ZNF729: variants seen among roughly 807,000 people sequenced by gnomAD.
ZNF729 encodes the protein zinc finger protein 729.
A neutral mutation model predicts 12.2 loss-of-function variants in ZNF729; 15 were observed. That is an observed-to-expected ratio of 1.23 (90% CI 0.82 to 1.89). ZNF729 has a LOEUF of 1.89. ZNF729 is among the 40% of genes most tolerant of loss of function. The pLI, the probability that ZNF729 is intolerant of heterozygous loss-of-function variation, is 0.00. For synonymous variants in ZNF729, 492 were observed against 476.3 expected, an observed-to-expected ratio of 1.03 and a Z score of -0.43; for missense variants, 1,540 against 1,456.7, an observed-to-expected ratio of 1.06 and a Z score of -0.93.
At chr19:22,312,226 G>C (rs1968458903) in intron 3 of ZNF729, among the ~76,000 whole-genome samples, 1 of 151,868 alleles carries the variant, frequency 6.6e-6, no homozygotes, top group Non-Finnish European at 1.5e-5. Flanking sequence ...TTTTATGGTT[G>C]CTTTCTAAAA....
intron 3 of ZNF729, among the ~76,000 whole-genome samples, chr19:22,307,800 G>GTTTTT: frequency 7.5e-5 from 4 of 53,332 alleles, no homozygotes; most frequent in African/African-American, 1.9e-4. Context: ...AAAGCTCTGT[G>GTTTTT]TTTTTTTTTT....
intron 1 of ZNF729, among the ~76,000 whole-genome samples, chr19:22,289,967 A>G (rs1968131649): frequency 6.6e-6 from 1 of 152,226 alleles, no homozygotes; most frequent in African/African-American, 2.4e-5. Flanking sequence ...TTACTGAGAC[A>G]TAAAATGTAA....
rs1968480272 is a variant in ZNF729 at position 22,313,753 on chromosome 19, T to C, written c.336T>C (p.Tyr112=). The C allele has an allele frequency of 1.3e-6, 2 of 1,595,320 alleles. No homozygotes were observed. Among genetic ancestry groups the C allele is most frequent in the East Asian group, 2.2e-5 (1 of 44,606 alleles). The change falls in exon 4 of 4, where the codon TAT becomes TAC. Residue 112 remains tyrosine, a synonymous_variant. Coordinates refer to ENST00000601693, the MANE Select transcript of ZNF729 (RefSeq NM_001242680.2). ...TCCAAGAAGTAATACTGAGAACATATGCAAGATGTGGACATAAGAATTTAC... is the reference window on the plus strand; with the variant it reads ...TCCAAGAAGTAATACTGAGAACATACGCAAGATGTGGACATAAGAATTTAC... ...DSFQEVILRT[Y]ARCGHKNLRL...
At position 22,304,673 on chromosome 19, in the gene ZNF729, T is replaced by A; in HGVS notation, c.158-15T>A. Reference sequence around the variant, plus strand: ...ATATGACCAATATTTATGTTATTTATTTTTAATAAAACAGGTATGGCTGTC... The same window carrying A: ...ATATGACCAATATTTATGTTATTTAATTTTAATAAAACAGGTATGGCTGTC... On this transcript the variant is annotated splice_polypyrimidine_tract_variant and intron_variant, in intron 2 of 3. Transcript: ENST00000601693. 6.3e-7 allele frequency: 1 copy of A among 1,597,140 alleles called. No homozygotes were observed. The highest frequency in any genetic ancestry group is 8.5e-7 in the Non-Finnish European group (1 of 1,170,842).
chr19:22,315,606 A>T lies in ZNF729; in HGVS notation c.2189A>T (p.His730Leu). Reference sequence around the variant, plus strand: ...AAGTGGTCATCAAAACTTACTGTACATAAGGTAATTCATACTGCAGAGAAA... The same window carrying T: ...AAGTGGTCATCAAAACTTACTGTACTTAAGGTAATTCATACTGCAGAGAAA... ...AFKWSSKLTV[H>L]KVIHTAEKPC... is the part of the protein sequence containing the mutation. Residue 730 changes from histidine (H) to leucine (L), a missense_variant, in exon 4 of 4, where the codon CAT becomes CTT. By Grantham distance (99) the His-to-Leu change is moderately conservative. Coordinates refer to ENST00000601693, the MANE Select transcript of ZNF729 (RefSeq NM_001242680.2). 1.2e-6 allele frequency: 2 copies of T among 1,609,336 alleles called. No homozygotes were observed. Among genetic ancestry groups the T allele is most frequent in the Non-Finnish European group, 1.7e-6 (2 of 1,179,110 alleles).
chr19:22,316,179 C>T lies in ZNF729; in HGVS notation c.2762C>T (p.Ser921Leu), dbSNP rs766138524. The T allele has an allele frequency of 6.2e-7, 1 of 1,611,874 alleles. No individual in the cohort carries two copies. The highest frequency in any genetic ancestry group is 8.5e-7 in the Non-Finnish European group (1 of 1,178,970). Residue 921 changes from serine (S) to leucine (L), a missense_variant, in exon 4 of 4, where the codon TCA (serine) becomes TTA (leucine). By Grantham distance (145) the Ser-to-Leu change is moderately radical. Coordinates refer to ENST00000601693, the MANE Select transcript of ZNF729 (RefSeq NM_001242680.2). The part of the protein sequence containing the change: ...EECGKAFKHF[S>L]ALRKHKIIHT... ...TGTGGCAAAGCTTTTAAGCATTTCT[C>T]AGCCCTTAGAAAACATAAGATAATT...
chr19:22,308,535 G>GT (rs201896379), intron 3 of ZNF729, among the ~76,000 whole-genome samples: 1 of 151,462 alleles, frequency 6.6e-6, no homozygotes, highest in Admixed American at 6.6e-5. Flanking sequence ...AACATCTACT[G>GT]TTTTTTTGAT....
At chr19:22,290,345 T>C (rs1198796752) in intron 1 of ZNF729, among the ~76,000 whole-genome samples, 1 of 152,168 alleles carries the variant, frequency 6.6e-6, no homozygotes, top group Non-Finnish European at 1.5e-5. Flanking sequence ...TATTGTTTTG[T>C]GGTAGTTTCT....
Position 22,315,938 on chromosome 19 carries a change from A to C in ZNF729, c.2521A>C (p.Lys841Gln). 1 of 1,610,766 alleles carries C rather than the reference A, an allele frequency of 6.2e-7. No homozygotes were observed. The highest frequency in any genetic ancestry group is 8.5e-7 in the Non-Finnish European group (1 of 1,179,592). Residue 841 changes from lysine (K) to glutamine (Q), a missense_variant, in exon 4 of 4, where the codon AAA (lysine) becomes CAA (glutamine). Transcript: ENST00000601693. ...TTTTAAGCATTTCTCAGCCCTTAGA[A>C]AACATAAGGTAATTCATACTGGAAA... Reference protein sequence around the residue: ...KAFKHFSALRKHKVIHTGKKP... With the variant: ...KAFKHFSALRQHKVIHTGKKP...
intron 1 of ZNF729, among the ~76,000 whole-genome samples, chr19:22,293,232 C>T (rs1968178474): frequency 6.6e-6 from 1 of 152,100 alleles, no homozygotes; most frequent in Non-Finnish European, 1.5e-5. Context: ...GTCGCCCAGG[C>T]TAAAGTGCAG....
chr19:22,312,286 A>ATTGTAATC (rs1968459689), intron 3 of ZNF729, among the ~76,000 whole-genome samples: 1 of 152,122 alleles, frequency 6.6e-6, no homozygotes, highest in Admixed American at 6.5e-5. Context: ...TTCTATATAC[A>ATTGTAATC]TTGTAATCGT....
chr19:22,314,636 G>T lies in ZNF729; in HGVS notation c.1219G>T (p.Glu407Ter), dbSNP rs1416227424. The T allele has an allele frequency of 6.2e-7, 1 of 1,612,366 alleles. No individual in the cohort carries two copies. Among genetic ancestry groups the T allele is most frequent in the African/African-American group, 1.3e-5 (1 of 74,840 alleles). Residue 407 changes from glutamate to a stop codon, truncating the protein, a stop_gained, in exon 4 of 4, where the codon GAA (glutamate) becomes TAA (stop). Coordinates refer to ENST00000601693, the MANE Select transcript of ZNF729 (RefSeq NM_001242680.2). LOFTEE classifies it low-confidence loss of function (END_TRUNC). The stretch of plus-strand genomic sequence containing the variant: ...TACTGGAGAGAAACCCTACAAATGT[G>T]AAGAATGTGGCAAAGCTTTTAGCCA... ...VHTGEKPYKC[E>*]ECGKAFSQFS...
chr19:22,303,823 G>A lies in ZNF729; in HGVS notation c.96G>A (p.Thr32=), dbSNP rs775840676. Residue 32 remains threonine, a synonymous_variant, in exon 2 of 4, where the codon ACG becomes ACA. Transcript: ENST00000601693. Reference sequence around the variant, plus strand: ...TGGAGGAGTGGCAATGCCTGGACACGGTTCAGCAGAATTTATATAGGGATG... The same window carrying A: ...TGGAGGAGTGGCAATGCCTGGACACAGTTCAGCAGAATTTATATAGGGATG... ...FSLEEWQCLD[T]VQQNLYRDVM... 20 of 1,575,866 alleles carry A rather than the reference G, an allele frequency of 1.3e-5. No individual in the cohort carries two copies. Among genetic ancestry groups the A allele is most frequent in the Middle Eastern group, 3.4e-4 (2 of 5,868 alleles).
rs1233672991 is a variant in ZNF729, at chr19:22,313,939, C to T, written c.522C>T (p.His174=). 2.0e-6 allele frequency: 3 copies of T among 1,533,048 alleles called. No individual in the cohort carries two copies. Among genetic ancestry groups the T allele is most frequent in the Non-Finnish European group, 2.6e-6 (3 of 1,141,626 alleles). 95.0% of individuals were successfully genotyped at this position (1,533,048 alleles called of 1,614,324 possible). A position where few individuals can be genotyped will look rare whatever the true frequency, so the allele number is the denominator to read the frequency against. ...ATTCAAATAGAAATAAGGTTAGACACACTAAAAAGAAAACTTTCAAATGTA... is the reference window on the plus strand; with the variant it reads ...ATTCAAATAGAAATAAGGTTAGACATACTAAAAAGAAAACTTTCAAATGTA... ...HKYSNRNKVR[H]TKKKTFKCIK... Residue 174 remains histidine (H), a synonymous_variant, in exon 4 of 4, where the codon CAC becomes CAT. Coordinates refer to ENST00000601693, the MANE Select transcript of ZNF729 (RefSeq NM_001242680.2).
intron 1 of ZNF729, among the ~76,000 whole-genome samples, chr19:22,287,549 G>C (rs1968095978): frequency 6.6e-6 from 1 of 152,140 alleles, no homozygotes; most frequent in Non-Finnish European, 1.5e-5. Context: ...TTACAGGTGT[G>C]AGCCGCTGCG....
chr19:22,308,427 G>A (rs1257798369), intron 3 of ZNF729, among the ~76,000 whole-genome samples: 1 of 152,112 alleles, frequency 6.6e-6, no homozygotes, highest in Non-Finnish European at 1.5e-5. Flanking sequence ...ATGACTTTTA[G>A]TTCTTTAGGA....
At chr19:22,288,780 C>G (rs1968114153) in intron 1 of ZNF729, among the ~76,000 whole-genome samples, 1 of 151,884 alleles carries the variant, frequency 6.6e-6, no homozygotes, top group African/African-American at 2.4e-5. Flanking sequence ...CCTGCATTCT[C>G]TAAGGGGGCA....
intron 1 of ZNF729, among the ~76,000 whole-genome samples, chr19:22,300,108 A>AGCCT (rs1231068114): frequency 6.6e-6 from 1 of 152,216 alleles, no homozygotes; most frequent in Non-Finnish European, 1.5e-5. Flanking sequence ...GGAGATTGAG[A>AGCCT]GCCTACCTTC....
At chr19:22,287,642 T>C (rs1968097484) in intron 1 of ZNF729, among the ~76,000 whole-genome samples, 1 of 151,612 alleles carries the variant, frequency 6.6e-6, no homozygotes, top group African/African-American at 2.4e-5. Context: ...TAATTATTCT[T>C]AATTATTTTC....
Sources: gnomAD v4.1 joint callset for allele counts (sites outside exome capture counted in the v4.1 genomes callset) on GRCh38, gnomAD v4.1.1 for gene constraint, MANE v1.5 for transcripts, NCBI Gene and HGNC (gene_info 2026-07-23, HGNC 2026-07-21) for gene names.